Variants in SCN10A observed in about 807,000 individuals in gnomAD.
SCN10A encodes sodium voltage-gated channel alpha subunit 10, also known as sodium channel protein type 10 subunit alpha.
In SCN10A, 162 loss-of-function variants were observed where a neutral mutation model predicts 170.7. The observed-to-expected ratio is 0.95, with a 90% CI of 0.84 to 1.08. The LOEUF is 1.08. Among genes scored for constraint, SCN10A ranks in the 50% least tolerant of loss-of-function variants. The pLI is 0.00. For synonymous variants in SCN10A, 985 were observed against 904.6 expected (o/e 1.09, Z -1.59); for missense variants, 2,527 against 2,436.9 (o/e 1.04, Z -0.78).
chr3:38,705,977 A>G (rs1271413486), intron 26 of SCN10A, among the ~76,000 whole-genome samples: 2 of 152,124 alleles, frequency 1.3e-5, no homozygotes, highest in Non-Finnish European at 2.9e-5. Context: ...AGGGATACTC[A>G]ATGAGCCTAA....
At chr3:38,719,425 G>T (rs1435404547) in intron 20 of SCN10A, among the ~76,000 whole-genome samples, 6 of 115,018 alleles carry the variant, frequency 5.2e-5, no homozygotes, top group Admixed American at 2.5e-4. Flanking sequence ...ACGGAGTCTC[G>T]CTCTGTCGCC....
chr3:38,720,873 C>T (rs1233264801), intron 20 of SCN10A, among the ~76,000 whole-genome samples: 1 of 152,218 alleles, frequency 6.6e-6, no homozygotes, highest in Non-Finnish European at 1.5e-5. Context: ...AGGAGAAGAG[C>T]ATAGGTGTGG....
At chr3:38,805,962 T>C (rs920363980) in intron 1 of SCN10A, among the ~76,000 whole-genome samples, 1 of 152,140 alleles carries the variant, frequency 6.6e-6, no homozygotes, top group Non-Finnish European at 1.5e-5. Flanking sequence ...TATCCATGGT[T>C]CTGAAATAGC....
In SCN10A at chr3:38,767,034, C is replaced by A. The variant is rs4676598; in HGVS notation, c.600-3438G>T. Among the ~76,000 whole-genome samples the A allele has an allele frequency of 7.4e-3, 1,089 of 146,630 alleles. 39 individuals carry two copies. In the East Asian group the frequency reaches 0.1, roughly 14 times the overall value. Reference sequence around the variant, plus strand: ...GTGCAAATAAAGGTGTTCATAGTAGCCTTGAATGATTTTTTTTTTGTATTT... The same window carrying A: ...GTGCAAATAAAGGTGTTCATAGTAGACTTGAATGATTTTTTTTTTGTATTT... On this transcript the variant is annotated intron_variant, in intron 5 of 27. Transcript: ENST00000449082.
At chr3:38,792,011 A>G in intron 3 of SCN10A, 39 bp downstream of exon 3, 1 of 1,610,110 alleles carries the variant, frequency 6.2e-7, no homozygotes, top group Non-Finnish European at 8.5e-7. Flanking sequence ...GGCAAGGTCT[A>G]ATTGTAACAC....
At chr3:38,799,377 C>A (rs1471678860) in intron 1 of SCN10A, among the ~76,000 whole-genome samples, 2 of 152,150 alleles carry the variant, frequency 1.3e-5, no homozygotes, top group African/African-American at 4.8e-5. Context: ...GCATTTTCCC[C>A]AATGTGTTCT....
At chr3:38,797,945 A>G (rs1460153779) in intron 1 of SCN10A, among the ~76,000 whole-genome samples, 2 of 152,180 alleles carry the variant, frequency 1.3e-5, no homozygotes, top group Non-Finnish European at 2.9e-5. Flanking sequence ...GGGAATTTGT[A>G]GTGATGTGAT....
chr3:38,712,926 T>C (rs1392748956), intron 22 of SCN10A, among the ~76,000 whole-genome samples: 2 of 152,224 alleles, frequency 1.3e-5, no homozygotes, highest in Admixed American at 6.5e-5. Flanking sequence ...CAAAATAGAA[T>C]AAATTTCAAA....
At chr3:38,789,787 G>A (rs1320735309) in intron 3 of SCN10A, among the ~76,000 whole-genome samples, 1 of 152,136 alleles carries the variant, frequency 6.6e-6, no homozygotes, top group Non-Finnish European at 1.5e-5. Flanking sequence ...ACATTGAAAG[G>A]AAGGTGGGTG....
chr3:38,726,062 GAT>G (rs1177070239), intron 17 of SCN10A, among the ~76,000 whole-genome samples: 2 of 152,174 alleles, frequency 1.3e-5, no homozygotes, highest in East Asian at 3.8e-4. Context: ...AGCGAGGGTT[GAT>G]ATACCAGCTT....
At chr3:38,708,181 G>A (rs919137589) in intron 25 of SCN10A, among the ~76,000 whole-genome samples, 2 of 152,102 alleles carry the variant, frequency 1.3e-5, no homozygotes, top group Non-Finnish European at 2.9e-5. Flanking sequence ...GGACACAAAG[G>A]GCTTCCTGGG....
chr3:38,770,656 G>T (rs1361075241), intron 5 of SCN10A, among the ~76,000 whole-genome samples: 6 of 152,108 alleles, frequency 3.9e-5, no homozygotes, highest in Non-Finnish European at 5.9e-5. Context: ...AAGAAAGCAT[G>T]ACTTTTGGAC....
Position 38,707,139 on chromosome 3 carries a change from C to T in SCN10A, c.4386+140G>A. ...CTTCTCATTCCTTGGGCCTAGGAACCCTCATCACCCTCATCCCAACGTCAA... is the reference window on the plus strand; with the variant it reads ...CTTCTCATTCCTTGGGCCTAGGAACTCTCATCACCCTCATCCCAACGTCAA... On this transcript the variant is annotated intron_variant, in intron 26 of 27. Transcript: ENST00000449082. The T allele has an allele frequency of 3.8e-6, 3 of 787,262 alleles. No homozygotes were observed. In the South Asian group the frequency reaches 6.7e-5, roughly 18 times the overall value. The allele number at this position is 787,262 out of a possible 1,614,324, so 48.8% of individuals were successfully genotyped here. A position where few individuals can be genotyped will look rare whatever the true frequency, so the allele number is the denominator to read the frequency against.
intron 24 of SCN10A, 81 bp downstream of exon 24, chr3:38,710,763 C>G (rs2063264793): frequency 1.5e-6 from 2 of 1,363,516 alleles, no homozygotes; most frequent in Non-Finnish European, 2.1e-6. Flanking sequence ...CCAGGGTCAT[C>G]GTCACTTCAT....
intron 5 of SCN10A, among the ~76,000 whole-genome samples, chr3:38,764,340 A>G (rs923389013): frequency 1.3e-5 from 2 of 152,170 alleles, no homozygotes; most frequent in Non-Finnish European, 1.5e-5. Context: ...CACTGTACCC[A>G]GTGTGTAGTC....
chr3:38,722,523 G>T, intron 19 of SCN10A, 111 bp from the exon 20 acceptor site: 2 of 1,312,776 alleles, frequency 1.5e-6, no homozygotes, highest in Non-Finnish European at 2.1e-6. Context: ...TCATGCCCTT[G>T]GAAAAAAATT....
chr3:38,702,529 CA>C (rs1679975996), intron 26 of SCN10A, among the ~76,000 whole-genome samples: 1 of 152,238 alleles, frequency 6.6e-6, no homozygotes, highest in Non-Finnish European at 1.5e-5. Flanking sequence ...CGAGTTCTAG[CA>C]TTTTGTATAT....
chr3:38,739,714 A>C (rs780205945), intron 14 of SCN10A, 26 bp from the exon 15 acceptor site: 2 of 1,591,344 alleles, frequency 1.3e-6, no homozygotes, highest in Non-Finnish European at 1.7e-6. Flanking sequence ...AGCTTTCATC[A>C]CAGTGGGATC....
intron 25 of SCN10A, among the ~76,000 whole-genome samples, chr3:38,707,960 C>A (rs929286944): frequency 2.0e-5 from 3 of 152,136 alleles, no homozygotes; most frequent in Non-Finnish European, 1.5e-5. Flanking sequence ...GAAACTGCAC[C>A]AACGAAGATG....
Sources: gnomAD v4.1 joint callset for allele counts (sites outside exome capture counted in the v4.1 genomes callset) on GRCh38, gnomAD v4.1.1 for gene constraint, MANE v1.5 for transcripts, NCBI Gene and HGNC (gene_info 2026-07-23, HGNC 2026-07-21) for gene names.